The following UBE2Q2 variants were observed in gnomAD, a reference collection of about 807,000 sequenced individuals.
The protein encoded by UBE2Q2 is ubiquitin conjugating enzyme E2 Q2.
In UBE2Q2, 54 loss-of-function variants were observed where a neutral mutation model predicts 59.9. That is an observed-to-expected ratio of 0.90 (90% CI 0.72 to 1.13). UBE2Q2 has a LOEUF of 1.13. UBE2Q2 is among the 50% of genes most tolerant of loss of function. The pLI, the probability that UBE2Q2 is intolerant of heterozygous loss-of-function variation, is 0.00. For missense variants in UBE2Q2, 433 were observed against 441.9 expected (o/e 0.98, Z 0.18); for synonymous variants, 165 against 155.2 (o/e 1.06, Z -0.47).
chr15:75,873,602 T>C (rs764513081), intron 5 of UBE2Q2, 34 bp downstream of exon 5: 16 of 1,582,344 alleles, frequency 1.0e-5, no homozygotes, highest in African/African-American at 1.4e-5. Context: ...ACCTGGACTT[T>C]TGTGGTTAAA....
At chr15:75,862,250 G>A (rs1487907046) in intron 3 of UBE2Q2, among the ~76,000 whole-genome samples, 3 of 152,086 alleles carry the variant, frequency 2.0e-5, no homozygotes, top group Non-Finnish European at 4.4e-5. Flanking sequence ...CCCAAGATGA[G>A]CCCTGAGTTC....
intron 12 of UBE2Q2, among the ~76,000 whole-genome samples, chr15:75,898,292 G>A (rs1678664973): frequency 6.6e-6 from 1 of 152,122 alleles, no homozygotes. Context: ...GTGGGTATGT[G>A]TAAGCTTAGC....
At position 75,882,192 on chromosome 15, in the gene UBE2Q2, C is replaced by G. The variant is rs994351070; in HGVS notation, c.826-1174C>G. Among the ~76,000 whole-genome samples the G allele has an allele frequency of 2.0e-5, 3 of 152,252 alleles. No homozygotes were observed. The South Asian group carries it at 6.2e-4, about 32-fold the overall frequency. On this transcript the variant is annotated intron_variant, in intron 8 of 12. Coordinates refer to ENST00000267938, the MANE Select transcript of UBE2Q2 (RefSeq NM_173469.4). ...TGGTGATGTAGTCTTTAAAATGTTCCTCTTCCTTAATAACTTAGATGGCTA... is the reference window on the plus strand; with the variant it reads ...TGGTGATGTAGTCTTTAAAATGTTCGTCTTCCTTAATAACTTAGATGGCTA...
Position 75,843,651 on chromosome 15 carries a change from C to G in UBE2Q2, c.-16C>G. 6.3e-7 allele frequency: 1 copy of G among 1,579,726 alleles called. No homozygotes were observed. Among genetic ancestry groups the G allele is most frequent in the South Asian group, 1.1e-5 (1 of 87,704 alleles). On this transcript the variant is annotated 5_prime_UTR_variant, in exon 1 of 13. Coordinates refer to ENST00000267938, the MANE Select transcript of UBE2Q2 (RefSeq NM_173469.4). Reference sequence around the variant, plus strand: ...GGCTCCCCTTCCGCGCCCCTCCCGCCGGAGATGAGGGGAAGATGTCCGTGT... The same window carrying G: ...GGCTCCCCTTCCGCGCCCCTCCCGCGGGAGATGAGGGGAAGATGTCCGTGT...
At chr15:75,854,535 A>C in intron 2 of UBE2Q2, 48 bp downstream of exon 2, 1 of 1,164,300 alleles carries the variant, frequency 8.6e-7, no homozygotes, top group Non-Finnish European at 1.2e-6. Context: ...TGAACATTAC[A>C]TATAGAAATT....
intron 1 of UBE2Q2, among the ~76,000 whole-genome samples, chr15:75,847,714 A>G (rs530915350): frequency 4.6e-5 from 7 of 152,152 alleles, no homozygotes; most frequent in African/African-American, 1.7e-4. Context: ...GAAGTATTTA[A>G]CATAACTTGG....
rs187558265 is a variant in UBE2Q2 at position 75,857,926 on chromosome 15, C to T, written c.283-1952C>T. 3.2e-4 allele frequency among the ~76,000 whole-genome samples: 48 copies of T among 152,034 alleles called. 1 individual carries two copies. Among genetic ancestry groups the T allele is most frequent in the Middle Eastern group, 3.4e-3 (1 of 294 alleles). On this transcript the variant is annotated intron_variant, in intron 2 of 12. Transcript: ENST00000267938. ...ATACTTTTTTCTTTCCTGGTGGGTA[C>T]AGGAAACTGTCAATAGTAGAACACA...
In UBE2Q2 at chr15:75,854,462, T is replaced by C. The variant is rs1349152583; in HGVS notation, c.257T>C (p.Leu86Pro). Residue 86 changes from leucine (L) to proline (P), a missense_variant, in exon 2 of 13, where the codon CTA becomes CCA. Coordinates refer to ENST00000267938, the MANE Select transcript of UBE2Q2 (RefSeq NM_173469.4). ...AATCTGACATCAGTTCTGGAACGTC[T>C]AGAAGATACTAAGAACAACAATTTG... Reference protein sequence around the residue: ...DPNLTSVLERLEDTKNNNLLR... With the variant: ...DPNLTSVLERPEDTKNNNLLR... 1.2e-6 allele frequency: 2 copies of C among 1,611,984 alleles called. No individual in the cohort carries two copies. The highest frequency in any genetic ancestry group is 1.7e-6 in the Non-Finnish European group (2 of 1,178,882).
intron 3 of UBE2Q2, among the ~76,000 whole-genome samples, chr15:75,865,874 G>C (rs573512858): frequency 2.0e-5 from 3 of 150,824 alleles, no homozygotes; most frequent in African/African-American, 7.3e-5. Context: ...AATACTTGCT[G>C]TCTGTTATTT....
intron 9 of UBE2Q2, among the ~76,000 whole-genome samples, chr15:75,889,535 T>C (rs1429054298): frequency 6.6e-6 from 1 of 152,044 alleles, no homozygotes; most frequent in African/African-American, 2.4e-5. Context: ...GCAAGTCTTC[T>C]GGGGGGAAAT....
At chr15:75,879,857 C>T (rs148533753) in intron 8 of UBE2Q2, among the ~76,000 whole-genome samples, 1 of 151,854 alleles carries the variant, frequency 6.6e-6, no homozygotes, top group African/African-American at 2.4e-5. Context: ...TAAAACTGCC[C>T]AAAGAGGAAA....
At chr15:75,885,566 C>T (rs912681246) in intron 9 of UBE2Q2, among the ~76,000 whole-genome samples, 2 of 152,216 alleles carry the variant, frequency 1.3e-5, no homozygotes, top group African/African-American at 2.4e-5. Flanking sequence ...GATAGCATCT[C>T]AGAGGACGGT....
At chr15:75,849,279 G>C (rs1287741782) in intron 1 of UBE2Q2, among the ~76,000 whole-genome samples, 2 of 152,282 alleles carry the variant, frequency 1.3e-5, no homozygotes, top group East Asian at 3.9e-4. Context: ...AACTATGAAA[G>C]TAATGTGTCC....
intron 11 of UBE2Q2, among the ~76,000 whole-genome samples, chr15:75,892,772 A>T (rs183037930): frequency 2.0e-5 from 3 of 152,280 alleles, no homozygotes; most frequent in East Asian, 3.9e-4. Flanking sequence ...GCTACTCAGG[A>T]GGCTGAGGTG....
intron 1 of UBE2Q2, among the ~76,000 whole-genome samples, chr15:75,854,047 G>A (rs1896775862): frequency 6.6e-6 from 1 of 152,190 alleles, no homozygotes; most frequent in African/African-American, 2.4e-5. Context: ...TACTTTTGCT[G>A]TATTCTCTTT....
At chr15:75,891,998 A>G (rs529786623) in intron 11 of UBE2Q2, among the ~76,000 whole-genome samples, 375 of 152,316 alleles carry the variant, frequency 2.5e-3, no homozygotes, top group African/African-American at 8.9e-3. Context: ...CATAACCTCC[A>G]CTTATTCTCC....
intron 1 of UBE2Q2, among the ~76,000 whole-genome samples, chr15:75,844,967 C>CA (rs76363124): frequency 0.088 from 12,594 of 142,718 alleles, 506 homozygotes; most frequent in Middle Eastern, 0.094. Context: ...GTGTTAATTT[C>CA]AAAAAAAAAA....
intron 1 of UBE2Q2, chr15:75,844,224 T>C: frequency 6.8e-7 from 1 of 1,474,796 alleles, no homozygotes; most frequent in Non-Finnish European, 9.0e-7. Flanking sequence ...CAGCTCCGGC[T>C]GTTGTTTGAG....
At chr15:75,876,481 T>A (rs895819188) in intron 6 of UBE2Q2, among the ~76,000 whole-genome samples, 4 of 152,182 alleles carry the variant, frequency 2.6e-5, no homozygotes, top group Non-Finnish European at 5.9e-5. Flanking sequence ...AAAAAATGTT[T>A]TTATAGGTCC....
Sources: allele counts gnomAD v4.1 joint callset (sites outside exome capture counted in the v4.1 genomes callset), GRCh38; gene constraint gnomAD v4.1.1; transcripts MANE v1.5; gene names NCBI Gene and HGNC (gene_info 2026-07-23, HGNC 2026-07-21).